Variants in UST observed in about 807,000 individuals in gnomAD.
UST encodes chondroitin sulfate 2-O-sulfotransferase.
A neutral mutation model predicts 45.6 loss-of-function variants in UST; 21 were observed. That is an observed-to-expected ratio of 0.46 (90% CI 0.33 to 0.66). The LOEUF (loss-of-function observed/expected upper bound fraction) is 0.66, where lower values mean the gene tolerates loss of function less well. Ranked by LOEUF, UST falls within the 30% of genes least tolerant of loss-of-function variation. The pLI is 0.02. For missense variants in UST, 463 were observed against 512.4 expected, an observed-to-expected ratio of 0.90 and a Z score of 0.93; for synonymous variants, 215 against 200.6, an observed-to-expected ratio of 1.07 and a Z score of -0.61.
chr6:148,911,036 C>T (rs1165357212), intron 2 of UST, among the ~76,000 whole-genome samples: 4 of 152,146 alleles, frequency 2.6e-5, no homozygotes, highest in Non-Finnish European at 5.9e-5. Context: ...CCCATTGCTT[C>T]CACGTCTGAA....
chr6:148,761,991 AT>A (rs1776232686), intron 1 of UST, among the ~76,000 whole-genome samples: 1 of 152,190 alleles, frequency 6.6e-6, no homozygotes, highest in Non-Finnish European at 1.5e-5. Flanking sequence ...CAGTGTCTTT[AT>A]TTTGTTTTGG....
intron 5 of UST, among the ~76,000 whole-genome samples, chr6:149,012,914 TAA>T (rs756094048): frequency 1.8e-4 from 28 of 152,284 alleles, no homozygotes; most frequent in Non-Finnish European, 3.5e-4. Flanking sequence ...GGCATAATCT[TAA>T]CAGGTGAGTG....
intron 2 of UST, among the ~76,000 whole-genome samples, chr6:148,889,591 A>G (rs1582879640): frequency 6.6e-6 from 1 of 152,130 alleles, no homozygotes; most frequent in East Asian, 1.9e-4. Context: ...TGGCTCTGTC[A>G]ATGGGACCCA....
chr6:149,066,545 G>A (rs976137237), intron 7 of UST, among the ~76,000 whole-genome samples: 2 of 152,028 alleles, frequency 1.3e-5, no homozygotes, highest in Non-Finnish European at 2.9e-5. Context: ...AGAGCTTGGG[G>A]AAACATTAGA....
chr6:148,989,028 C>A (rs2114989859), intron 5 of UST, among the ~76,000 whole-genome samples: 1 of 152,298 alleles, frequency 6.6e-6, no homozygotes, highest in East Asian at 1.9e-4. Flanking sequence ...AATGCAGGAA[C>A]CTCAGCAGTC....
At chr6:149,022,936 T>C (rs2115020756) in intron 7 of UST, among the ~76,000 whole-genome samples, 1 of 152,344 alleles carries the variant, frequency 6.6e-6, no homozygotes, top group East Asian at 1.9e-4. Context: ...TTAAAGAGTT[T>C]ATAGAATTTT....
At chr6:148,864,343 A>T (rs1332253848) in intron 1 of UST, among the ~76,000 whole-genome samples, 3 of 152,150 alleles carry the variant, frequency 2.0e-5, no homozygotes, top group Non-Finnish European at 2.9e-5. Context: ...ATTTGCTAAG[A>T]CCATTGGAAA....
At chr6:149,028,040 C>T (rs1368896683) in intron 7 of UST, among the ~76,000 whole-genome samples, 1 of 152,032 alleles carries the variant, frequency 6.6e-6, no homozygotes, top group Non-Finnish European at 1.5e-5. Flanking sequence ...GACGGGATTT[C>T]ACCATGTTCA....
At chr6:148,769,918 A>G (rs148584322) in intron 1 of UST, among the ~76,000 whole-genome samples, 47 of 151,316 alleles carry the variant, frequency 3.1e-4, no homozygotes, top group Admixed American at 3.3e-4. Context: ...TGTAAATTAC[A>G]TTTTCGTTTA....
At chr6:149,073,782 T>C (rs1051699221) in intron 7 of UST, 51 bp from the exon 8 acceptor site, 3 of 1,590,318 alleles carry the variant, frequency 1.9e-6, no homozygotes, top group African/African-American at 2.7e-5. Context: ...CCGGGATCCC[T>C]TCTAAGCTAC....
intron 1 of UST, among the ~76,000 whole-genome samples, chr6:148,847,568 C>T (rs1381459435): frequency 6.6e-6 from 1 of 152,180 alleles, no homozygotes; most frequent in Admixed American, 6.5e-5. Flanking sequence ...TGTAATTTGG[C>T]CTCCTTATTC....
chr6:149,031,690 A>G (rs1438243165), intron 7 of UST, among the ~76,000 whole-genome samples: 1 of 152,234 alleles, frequency 6.6e-6, no homozygotes, highest in Non-Finnish European at 1.5e-5. Flanking sequence ...TCTTCTCTGA[A>G]AACTAATATT....
In UST at chr6:148,783,712, C is replaced by A. The variant is rs116750987; in HGVS notation, c.247+36035C>A. Among the ~76,000 whole-genome samples the A allele has an allele frequency of 2.5e-3, 374 of 152,278 alleles. 2 individuals are homozygous for A. The highest frequency in any genetic ancestry group is 8.6e-3 in the African/African-American group (359 of 41,558). On this transcript the variant is annotated intron_variant, in intron 1 of 7. Coordinates refer to ENST00000367463, the MANE Select transcript of UST (RefSeq NM_005715.3). ...TCTCAACCCCTAAGCATGTTCTTAA[C>A]GTGAACACTTGGGAGTGGAAGCCTG...
intron 1 of UST, among the ~76,000 whole-genome samples, chr6:148,797,857 A>C (rs114072388): frequency 0.02 from 2,980 of 152,228 alleles, 89 homozygotes; most frequent in African/African-American, 0.068. Flanking sequence ...GGATGAAGAG[A>C]TGGGTGCTAG....
At chr6:148,927,279 C>A (rs986677267) in intron 2 of UST, among the ~76,000 whole-genome samples, 1 of 152,070 alleles carries the variant, frequency 6.6e-6, no homozygotes, top group Non-Finnish European at 1.5e-5. Context: ...CTTCCCATAG[C>A]CTTACAGGCT....
chr6:148,892,593 T>C (rs1779040090), intron 2 of UST, among the ~76,000 whole-genome samples: 1 of 152,172 alleles, frequency 6.6e-6, no homozygotes, highest in Admixed American at 6.5e-5. Context: ...AAAATAAAAA[T>C]TCAGTTTCTC....
chr6:148,912,354 A>C (rs1779492859), intron 2 of UST, among the ~76,000 whole-genome samples: 1 of 152,254 alleles, frequency 6.6e-6, no homozygotes, highest in African/African-American at 2.4e-5. Flanking sequence ...TGCTTATCAG[A>C]GGACATAAAA....
intron 1 of UST, among the ~76,000 whole-genome samples, chr6:148,752,158 GA>G (rs1295256157): frequency 6.6e-6 from 1 of 152,110 alleles, no homozygotes; most frequent in East Asian, 1.9e-4. Context: ...GTCAAAAAAT[GA>G]AAAGTATGTC....
At chr6:148,816,831 C>T (rs1035853015) in intron 1 of UST, among the ~76,000 whole-genome samples, 7 of 152,126 alleles carry the variant, frequency 4.6e-5, no homozygotes, top group Admixed American at 2.0e-4. Context: ...TGTGGAGTAA[C>T]AAATGGTCCC....
Sources: allele counts gnomAD v4.1 joint callset (sites outside exome capture counted in the v4.1 genomes callset), GRCh38; gene constraint gnomAD v4.1.1; transcripts MANE v1.5; gene names NCBI Gene and HGNC (gene_info 2026-07-23, HGNC 2026-07-21).